Variants in EPN1 observed in about 807,000 individuals in gnomAD.
EPN1 encodes epsin-1.
EPN1 carries 25 observed loss-of-function variants against 56.9 expected under a neutral mutation model. That is an observed-to-expected ratio of 0.44 (90% CI 0.32 to 0.61). EPN1 has a LOEUF of 0.61. Among genes scored for constraint, EPN1 ranks in the 20% least tolerant of loss-of-function variants. The probability of loss-of-function intolerance (pLI) is 0.05; values close to 1 mark genes in which losing one functional copy is unlikely to be tolerated. For synonymous variants in EPN1, 411 were observed against 361.8 expected (o/e 1.14, Z -1.54); for missense variants, 785 against 823.7 (o/e 0.95, Z 0.58).
chr19:55,677,247 C>T, intron 1 of EPN1: 1 of 1,273,686 alleles, frequency 7.9e-7, no homozygotes, highest in Non-Finnish European at 1.1e-6. Context: ...GGGGCTGAAC[C>T]TCTGTGTCTC....
intron 7 of EPN1, among the ~76,000 whole-genome samples, chr19:55,692,397 C>T (rs1187126458): frequency 1.3e-5 from 2 of 151,384 alleles, no homozygotes; most frequent in Admixed American, 6.6e-5. Context: ...GGCCTGACAC[C>T]CAGCTGGACA....
rs942959552 is a variant in EPN1, at chr19:55,691,333, C to G, written c.763-421C>G. Among the ~76,000 whole-genome samples the G allele has an allele frequency of 6.6e-6, 1 of 152,166 alleles. No homozygotes were observed. The highest frequency in any genetic ancestry group is 1.9e-4 in the East Asian group (1 of 5,156). On this transcript the variant is annotated intron_variant, in intron 6 of 10. Transcript: ENST00000270460. The surrounding 1 kb of genome is among the most constrained non-coding windows in gnomAD (Gnocchi z 5.6). Reference sequence around the variant, plus strand: ...GGGGAAGGCATGGAGCAGGGGCTGGCCAGTCTGGCTGGAGAAGGCACGGTG... The same window carrying G: ...GGGGAAGGCATGGAGCAGGGGCTGGGCAGTCTGGCTGGAGAAGGCACGGTG...
At position 55,695,034 on chromosome 19, in the gene EPN1, A is replaced by T. The variant is rs1476389822; in HGVS notation, c.1522+51A>T. ...AAGTCCTTCCTGTGGGTTCCACCAG[A>T]GGAGGTGCCTCACGGGGCAGGGACA... On this transcript the variant is annotated intron_variant, in intron 10 of 10. Coordinates refer to ENST00000270460, the MANE Select transcript of EPN1 (RefSeq NM_001130072.2). The surrounding 1 kb of genome is among the most constrained non-coding windows in gnomAD (Gnocchi z 4.4). 1.7e-5 allele frequency: 27 copies of T among 1,572,446 alleles called. No homozygotes were observed. The highest frequency in any genetic ancestry group is 2.2e-5 in the Non-Finnish European group (26 of 1,159,690).
chr19:55,680,731 C>T (rs1013434327), intron 2 of EPN1: 8 of 152,388 alleles, frequency 5.2e-5, no homozygotes, highest in Admixed American at 3.3e-4. Flanking sequence ...CGCCTCCCTT[C>T]CTGGCTGACC....
intron 2 of EPN1, among the ~76,000 whole-genome samples, chr19:55,682,944 A>AG (rs1271229478): frequency 4.6e-4 from 70 of 151,518 alleles, no homozygotes; most frequent in Admixed American, 3.7e-3. Context: ...TTTAGTAGAG[A>AG]TGGGGTTTCA....
rs982526068 is a variant in EPN1, at chr19:55,685,296, C to G, written c.229-100C>G. 28 of 1,457,424 alleles carry G rather than the reference C, an allele frequency of 1.9e-5. No homozygotes were observed. In the Admixed American group the frequency reaches 5.3e-4, roughly 27 times the overall value. The allele number at this position is 1,457,424 out of a possible 1,614,324, so 90.3% of individuals were successfully genotyped here. A position where few individuals can be genotyped will look rare whatever the true frequency, so the allele number is the denominator to read the frequency against. On this transcript the variant is annotated intron_variant, in intron 2 of 10. Coordinates refer to ENST00000270460, the MANE Select transcript of EPN1 (RefSeq NM_001130072.2). ...CCACTGGCGACAGGTGGGTTGTGGG[C>G]CTTGCGCCCAGTCGGCCGCCCCAGA...
In EPN1 at chr19:55,701,493, T is replaced by A. The variant is rs1987139339; in HGVS notation, c.*6137T>A. On this transcript the variant is annotated 3_prime_UTR_variant, in exon 11 of 11. Coordinates refer to ENST00000270460, the MANE Select transcript of EPN1 (RefSeq NM_001130072.2). The stretch of plus-strand genomic sequence containing the variant: ...ATACTGTTTCCTGTATTTTTTTCTC[T>A]TAGTATCTTAAGAAATACATGATTT... 1 of 152,070 alleles carries A rather than the reference T, an allele frequency of 6.6e-6. No homozygotes were observed. The allele number at this position is 152,070 out of a possible 1,614,324, so 9.4% of individuals were successfully genotyped here.
chr19:55,693,069 A>G, intron 9 of EPN1, 32 bp downstream of exon 9: 1 of 1,593,838 alleles, frequency 6.3e-7, no homozygotes, highest in Non-Finnish European at 8.6e-7. Flanking sequence ...CCCAGTGGCG[A>G]GAGGGAGCCT....
At chr19:55,686,828 G>A (rs1302245212) in intron 3 of EPN1, among the ~76,000 whole-genome samples, 2 of 152,036 alleles carry the variant, frequency 1.3e-5, no homozygotes, top group Admixed American at 6.6e-5. Flanking sequence ...GGTGGGTGGC[G>A]GGGTTGGGGT....
rs1170379870 is a variant in EPN1 at position 55,698,019 on chromosome 19, G to T, written c.*2663G>T. 1 of 151,876 alleles carries T rather than the reference G, an allele frequency of 6.6e-6. No homozygotes were observed. The highest frequency in any genetic ancestry group is 2.4e-5 in the African/African-American group (1 of 41,308). 9.4% of individuals were successfully genotyped at this position (151,876 alleles called of 1,614,324 possible). ...CTAAGAGCAAACCTCAGGGGTCCGGGGGTTTTCGGCTAAACCCACCTAGCA... is the reference window on the plus strand; with the variant it reads ...CTAAGAGCAAACCTCAGGGGTCCGGTGGTTTTCGGCTAAACCCACCTAGCA... On this transcript the variant is annotated 3_prime_UTR_variant, in exon 11 of 11. Transcript: ENST00000270460.
rs1014565915 is a variant in EPN1 at position 55,702,252 on chromosome 19, C to T, written c.*6896C>T. On this transcript the variant is annotated 3_prime_UTR_variant, in exon 11 of 11. Transcript: ENST00000270460. ...GTGGGATTGCAGGCGTGAGCCACCG[C>T]GCCGGGCCCCCACCCCATTCTTTGA... 12 of 152,588 alleles carry T rather than the reference C, an allele frequency of 7.9e-5. No individual in the cohort carries two copies. Among genetic ancestry groups the T allele is most frequent in the African/African-American group, 1.2e-4 (5 of 41,438 alleles). 9.5% of individuals were successfully genotyped at this position (152,588 alleles called of 1,614,324 possible).
chr19:55,691,533 C>T lies in EPN1; in HGVS notation c.763-221C>T, dbSNP rs1986545337. Among the ~76,000 whole-genome samples the T allele has an allele frequency of 6.6e-6, 1 of 151,936 alleles. No homozygotes were observed. The highest frequency in any genetic ancestry group is 2.4e-5 in the African/African-American group (1 of 41,442). ...CTGTGTTGGGGCTCCCTGGTGGTAC[C>T]CTCGGGTGGGGTAGGTGGGCAGGGG... On this transcript the variant is annotated intron_variant, in intron 6 of 10. Coordinates refer to ENST00000270460, the MANE Select transcript of EPN1 (RefSeq NM_001130072.2). This position sits in a 1 kb window ranked among gnomAD's most constrained non-coding sequence, Gnocchi z 5.6.
At chr19:55,692,633 C>T in intron 7 of EPN1, 53 bp from the exon 8 acceptor site, 2 of 1,231,976 alleles carry the variant, frequency 1.6e-6, no homozygotes, top group Non-Finnish European at 2.2e-6. Flanking sequence ...TCCTCCCTAG[C>T]CATCTGGGCA....
chr19:55,702,347 G>A lies in EPN1; in HGVS notation c.*6991G>A, dbSNP rs1244076109. 1.3e-5 allele frequency: 2 copies of A among 152,314 alleles called. No homozygotes were observed. The highest frequency in any genetic ancestry group is 4.8e-5 in the African/African-American group (2 of 41,462). The allele number at this position is 152,314 out of a possible 1,614,324, so 9.4% of individuals were successfully genotyped here. A position where few individuals can be genotyped will look rare whatever the true frequency, so the allele number is the denominator to read the frequency against. ...TATCTGTGTGTGCTAAAAGGGGAGG[G>A]AGTGTTTCTGTGCCCATTCCCAGGC... On this transcript the variant is annotated 3_prime_UTR_variant, in exon 11 of 11. Coordinates refer to ENST00000270460, the MANE Select transcript of EPN1 (RefSeq NM_001130072.2).
chr19:55,675,494 G>C (rs1429685822), intron 1 of EPN1, 59 bp downstream of exon 1: 1 of 152,374 alleles, frequency 6.6e-6, no homozygotes, highest in Non-Finnish European at 1.5e-5. Context: ...GTTCGGGCCT[G>C]GGCCGCGGCG....
chr19:55,679,534 G>A (rs957141757), intron 2 of EPN1, among the ~76,000 whole-genome samples: 3 of 152,180 alleles, frequency 2.0e-5, no homozygotes, highest in Non-Finnish European at 4.4e-5. Flanking sequence ...CCGTCGGCAA[G>A]CATCTGCAGA....
intron 2 of EPN1, among the ~76,000 whole-genome samples, chr19:55,679,397 G>A (rs1239101449): frequency 6.6e-6 from 1 of 152,232 alleles, no homozygotes; most frequent in Admixed American, 6.5e-5. Flanking sequence ...GGCTGGGGCC[G>A]GGTTATACTC....
chr19:55,708,793 A>G lies in EPN1; in HGVS notation c.*13437A>G, dbSNP rs1987556523. On this transcript the variant is annotated 3_prime_UTR_variant, in exon 11 of 11. Transcript: ENST00000270460. ...CATATTGCTAGAACACTTAGGGAGT[A>G]CCTCTGAAATCACAGCCCTGCTGCC... The G allele has an allele frequency of 1.6e-6, 1 of 642,340 alleles. No homozygotes were observed. Among genetic ancestry groups the G allele is most frequent in the Admixed American group, 3.0e-5 (1 of 32,838 alleles). The allele number at this position is 642,340 out of a possible 1,614,324, so 39.8% of individuals were successfully genotyped here.
At chr19:55,675,983 C>T (rs932296902) in intron 1 of EPN1, among the ~76,000 whole-genome samples, 2 of 152,152 alleles carry the variant, frequency 1.3e-5, no homozygotes, top group Non-Finnish European at 2.9e-5. Flanking sequence ...TTCTGAGTCT[C>T]TGGTGTGATG....
Sources: gnomAD v4.1 joint callset for allele counts (sites outside exome capture counted in the v4.1 genomes callset) on GRCh38, gnomAD v4.1.1 for gene constraint, Gnocchi (gnomAD v3.1) non-coding constraint, MANE v1.5 for transcripts, NCBI Gene and HGNC (gene_info 2026-07-23, HGNC 2026-07-21) for gene names.